Variants in BHLHE40 observed in about 807,000 individuals in gnomAD.
BHLHE40 encodes the protein basic helix-loop-helix family member e40.
BHLHE40 carries 3 observed loss-of-function variants against 35.7 expected under a neutral mutation model. The observed-to-expected ratio is 0.08, with a 90% CI of 0.04 to 0.22. The LOEUF is 0.22. BHLHE40 is among the 10% of genes least tolerant of loss of function. BHLHE40 has a pLI of 1.00. For missense variants in BHLHE40, 486 were observed against 524.0 expected, an observed-to-expected ratio of 0.93 and a Z score of 0.71; for synonymous variants, 236 against 213.0, an observed-to-expected ratio of 1.11 and a Z score of -0.94.
rs1190277830 is a variant in BHLHE40 at position 4,983,280 on chromosome 3, G to T, written c.827G>T (p.Gly276Val). The change falls in exon 5 of 5, where the codon GGC (glycine) becomes GTC (valine). Residue 276 changes from glycine to valine, a missense_variant. By Grantham distance (109) the Gly-to-Val change is moderately radical. This residue lies in a region of BHLHE40 where 206 missense variants were observed against 208.9 expected (regional missense o/e 0.99). Coordinates refer to ENST00000256495, the MANE Select transcript of BHLHE40 (RefSeq NM_003670.3). This position sits in a 1 kb window ranked among gnomAD's most constrained non-coding sequence, Gnocchi z 5.0. ...GRRFTMGERI[G>V]AIKQESEEPP... ...AGGTTCACGATGGGAGAAAGGATCG[G>T]CGCAATTAAGCAAGAGTCCGAAGAA... The T allele has an allele frequency of 6.2e-7, 1 of 1,614,056 alleles. No individual in the cohort carries two copies. Among genetic ancestry groups the T allele is most frequent in the African/African-American group, 1.3e-5 (1 of 74,912 alleles).
At position 4,980,218 on chromosome 3, in the gene BHLHE40, G is replaced by A; in HGVS notation, c.151-83G>A. ...TGCTACTCTGCTACTCTGCTCCTCT[G>A]CCGGACTGTTGCTGCGGGGCTGGGA... On this transcript the variant is annotated intron_variant, in intron 2 of 4. Transcript: ENST00000256495. 3.0e-6 allele frequency: 4 copies of A among 1,311,794 alleles called. No homozygotes were observed. The Admixed American group carries it at 6.9e-5, about 23-fold the overall frequency. 81.3% of individuals were successfully genotyped at this position (1,311,794 alleles called of 1,614,324 possible).
Position 4,983,720 on chromosome 3 carries a change from T to C in BHLHE40, c.*28T>C. On this transcript the variant is annotated 3_prime_UTR_variant, in exon 5 of 5. Coordinates refer to ENST00000256495, the MANE Select transcript of BHLHE40 (RefSeq NM_003670.3). This position sits in a 1 kb window ranked among gnomAD's most constrained non-coding sequence, Gnocchi z 5.0. The stretch of plus-strand genomic sequence containing the variant: ...TCTCTAGGGGATCCTGCTGCTTTGC[T>C]TTCCTTCCTCGCTACTTCCTAAAAA... 1.3e-6 allele frequency: 2 copies of C among 1,553,864 alleles called. No individual in the cohort carries two copies. Among genetic ancestry groups the C allele is most frequent in the Non-Finnish European group, 1.7e-6 (2 of 1,154,326 alleles).
chr3:4,980,295 T>C lies in BHLHE40; in HGVS notation c.151-6T>C. The C allele has an allele frequency of 6.2e-7, 1 of 1,613,732 alleles. No homozygotes were observed. Among genetic ancestry groups the C allele is most frequent in the East Asian group, 2.2e-5 (1 of 44,868 alleles). The stretch of plus-strand genomic sequence containing the variant: ...AGCGCCCACCGCCTCCCCGTGCGTC[T>C]TGCAGGAGACCTACAAATTGCCGCA... On this transcript the variant is annotated splice_region_variant and splice_polypyrimidine_tract_variant and intron_variant, in intron 2 of 4. Transcript: ENST00000256495.
rs1188315227 is a variant in BHLHE40 at position 4,984,701 on chromosome 3, G to C, written c.*1009G>C. Reference sequence around the variant, plus strand: ...TGTAGGCTAATTCCTCTTGCCCAACGGCATATGGAGTGTCCTTATTGCTAA... The same window carrying C: ...TGTAGGCTAATTCCTCTTGCCCAACCGCATATGGAGTGTCCTTATTGCTAA... On this transcript the variant is annotated 3_prime_UTR_variant, in exon 5 of 5. Transcript: ENST00000256495. 6.6e-6 allele frequency: 1 copy of C among 152,564 alleles called. No homozygotes were observed. The highest frequency in any genetic ancestry group is 2.4e-5 in the African/African-American group (1 of 41,432). 9.5% of individuals were successfully genotyped at this position (152,564 alleles called of 1,614,324 possible).
chr3:4,980,492 G>C lies in BHLHE40; in HGVS notation c.258+84G>C, dbSNP rs1050903488. 2.6e-6 allele frequency: 3 copies of C among 1,138,924 alleles called. No individual in the cohort carries two copies. In the African/African-American group the frequency reaches 4.6e-5, roughly 17 times the overall value. 70.6% of individuals were successfully genotyped at this position (1,138,924 alleles called of 1,614,324 possible). ...ACTCGCCGCCTGCAGGTTCCGCGGG[G>C]AACTGCAGACCAGACTGGCGGATCA... On this transcript the variant is annotated intron_variant, in intron 3 of 4. Transcript: ENST00000256495.
chr3:4,981,575 G>A, intron 4 of BHLHE40, 60 bp downstream of exon 4: 1 of 1,579,506 alleles, frequency 6.3e-7, no homozygotes, highest in East Asian at 2.3e-5. Context: ...GAGAGCCCGT[G>A]GGCTCAACAT....
In BHLHE40 at chr3:4,983,237, A is replaced by C; in HGVS notation, c.784A>C (p.Lys262Gln). 6.2e-7 allele frequency: 1 copy of C among 1,614,236 alleles called. No homozygotes were observed. The highest frequency in any genetic ancestry group is 8.5e-7 in the Non-Finnish European group (1 of 1,180,042). ...GDLRSEQPCF[K>Q]SDHGRRFTMG... ...CTTGCGCAGTGAGCAGCCGTGCTTC[A>C]AAAGTGACCACGGACGCAGGTTCAC... Residue 262 changes from lysine (K) to glutamine (Q), a missense_variant, in exon 5 of 5, where the codon AAA becomes CAA. By Grantham distance (53) the Lys-to-Gln change is moderately conservative. Around this residue, in one of 5 missense-constraint regions of BHLHE40, gnomAD observed 206 missense variants for 208.9 expected, o/e 0.99. Coordinates refer to ENST00000256495, the MANE Select transcript of BHLHE40 (RefSeq NM_003670.3). This position sits in a 1 kb window ranked among gnomAD's most constrained non-coding sequence, Gnocchi z 5.0.
rs2053216334 is a variant in BHLHE40, at chr3:4,983,297, T to G, written c.844T>G (p.Ser282Ala). The G allele has an allele frequency of 1.2e-6, 2 of 1,613,522 alleles. No individual in the cohort carries two copies. The highest frequency in any genetic ancestry group is 1.7e-6 in the Non-Finnish European group (2 of 1,179,872). ...GERIGAIKQE[S>A]EEPPTKKNRM... Reference sequence around the variant, plus strand: ...AAGGATCGGCGCAATTAAGCAAGAGTCCGAAGAACCCCCCACAAAAAAGAA... The same window carrying G: ...AAGGATCGGCGCAATTAAGCAAGAGGCCGAAGAACCCCCCACAAAAAAGAA... Residue 282 changes from serine (S) to alanine (A), a missense_variant, in exon 5 of 5, where the codon TCC becomes GCC. Ser to Ala is a moderately conservative substitution (Grantham distance 99, BLOSUM62 1). Coordinates refer to ENST00000256495, the MANE Select transcript of BHLHE40 (RefSeq NM_003670.3). This position sits in a 1 kb window ranked among gnomAD's most constrained non-coding sequence, Gnocchi z 5.0.
At position 4,983,829 on chromosome 3, in the gene BHLHE40, G is replaced by GGTGTGTGTGTGTGTGTGTGT. The variant is rs56076357; in HGVS notation, c.*144_*163dup. On this transcript the variant is annotated 3_prime_UTR_variant, in exon 5 of 5. Transcript: ENST00000256495. The surrounding 1 kb of genome is among the most constrained non-coding windows in gnomAD (Gnocchi z 5.0). ...TCTGAGGCATGGAGAGCAGATTCAG[G>GGTGTGTGTGTGTGTGTGTGT]GTGTGTGTGTGTGTGTGTGTGTGTG... 2.3e-4 allele frequency: 160 copies of GGTGTGTGTGTGTGTGTGTGT among 698,678 alleles called. No homozygotes were observed. The highest frequency in any genetic ancestry group is 1.6e-3 in the African/African-American group (89 of 55,300). 43.3% of individuals were successfully genotyped at this position (698,678 alleles called of 1,614,324 possible).
intron 3 of BHLHE40, among the ~76,000 whole-genome samples, chr3:4,980,788 G>A (rs569855070): frequency 6.6e-6 from 1 of 152,176 alleles, no homozygotes; most frequent in South Asian, 2.1e-4. Context: ...TCAAATAAGG[G>A]GACTTGCTTT....
rs1045729677 is a variant in BHLHE40 at position 4,984,073 on chromosome 3, A to G, written c.*381A>G. ...AGTCTTGGTCTGTGAGTCACTCTTC[A>G]GTTTGGGAGCTGGGTCTGTGGCTTT... On this transcript the variant is annotated 3_prime_UTR_variant, in exon 5 of 5. Transcript: ENST00000256495. 8 of 177,402 alleles carry G rather than the reference A, an allele frequency of 4.5e-5. No individual in the cohort carries two copies. Among genetic ancestry groups the G allele is most frequent in the African/African-American group, 7.1e-5 (3 of 42,110 alleles). 11.0% of individuals were successfully genotyped at this position (177,402 alleles called of 1,614,324 possible).
Position 4,983,829 on chromosome 3 carries a change from G to GGGGT in BHLHE40, c.*138_*139insGGTG, listed in dbSNP as rs139879256. 142 of 698,690 alleles carry GGGGT rather than the reference G, an allele frequency of 2.0e-4. No homozygotes were observed. Among genetic ancestry groups the GGGGT allele is most frequent in the South Asian group, 8.4e-4 (43 of 50,900 alleles). 43.3% of individuals were successfully genotyped at this position (698,690 alleles called of 1,614,324 possible). A position where few individuals can be genotyped will look rare whatever the true frequency, so the allele number is the denominator to read the frequency against. ...TCTGAGGCATGGAGAGCAGATTCAG[G>GGGGT]GTGTGTGTGTGTGTGTGTGTGTGTG... On this transcript the variant is annotated 3_prime_UTR_variant, in exon 5 of 5. Transcript: ENST00000256495. The surrounding 1 kb of genome is among the most constrained non-coding windows in gnomAD (Gnocchi z 5.0).
At position 4,980,417 on chromosome 3, in the gene BHLHE40, G is replaced by A. The variant is rs2053181910; in HGVS notation, c.258+9G>A. The A allele has an allele frequency of 8.1e-6, 13 of 1,611,124 alleles. No homozygotes were observed. The highest frequency in any genetic ancestry group is 1.7e-4 in the Middle Eastern group (1 of 6,056). On this transcript the variant is annotated intron_variant, in intron 3 of 4. Transcript: ENST00000256495. The stretch of plus-strand genomic sequence containing the variant: ...AACATCTCAAACTTACAGTAAGTGA[G>A]AAGCTGGCCCCTTTCCAACCCAGTC...
intron 4 of BHLHE40, 150 bp downstream of exon 4, chr3:4,981,665 T>A: frequency 9.5e-7 from 1 of 1,056,006 alleles, no homozygotes; most frequent in Admixed American, 2.6e-5. Flanking sequence ...TCCTAAAAGG[T>A]CAGACTTTTC....
At position 4,983,018 on chromosome 3, in the gene BHLHE40, A is replaced by G. The variant is rs1370878325; in HGVS notation, c.565A>G (p.Arg189Gly). 1.7e-5 allele frequency: 28 copies of G among 1,613,832 alleles called. No homozygotes were observed. The highest frequency in any genetic ancestry group is 1.9e-5 in the Non-Finnish European group (22 of 1,179,830). Residue 189 changes from arginine to glycine, a missense_variant, in exon 5 of 5, where the codon AGG (arginine) becomes GGG (glycine). Physicochemically the swap from Arg to Gly is moderately radical, Grantham distance 125 (BLOSUM62 -2). This residue lies in a region of BHLHE40 where 176 missense variants were observed against 180.5 expected (regional missense o/e 0.98). Transcript: ENST00000256495. The surrounding 1 kb of genome is among the most constrained non-coding windows in gnomAD (Gnocchi z 5.0). ...GGAGCTGCTGCAGGGTGGTACCTCC[A>G]GGAAGCCATCAGACCCAGCTCCCAA... ...VSELLQGGTS[R>G]KPSDPAPKVM...
Position 4,984,382 on chromosome 3 carries a change from C to T in BHLHE40, c.*690C>T, listed in dbSNP as rs746106852. The T allele has an allele frequency of 7.2e-5, 11 of 152,278 alleles. No homozygotes were observed. The highest frequency in any genetic ancestry group is 7.2e-4 in the Admixed American group (11 of 15,270). The allele number at this position is 152,278 out of a possible 1,614,324, so 9.4% of individuals were successfully genotyped here. ...TCGTAGTGATTAGCTTACTAAGGAA[C>T]TGAAAATGGGCCCCTTGTACAAGCT... On this transcript the variant is annotated 3_prime_UTR_variant, in exon 5 of 5. Coordinates refer to ENST00000256495, the MANE Select transcript of BHLHE40 (RefSeq NM_003670.3).
chr3:4,981,465 T>C lies in BHLHE40; in HGVS notation c.332T>C (p.Ile111Thr), dbSNP rs763465378. Residue 111 changes from isoleucine to threonine, a missense_variant, in exon 4 of 5, where the codon ATT becomes ACT. Transcript: ENST00000256495. ...CATGTGAAAGCACTAACAAACCTAA[T>C]TGATCAGCAGCAGCAGAAAATCATT... ...LKHVKALTNL[I>T]DQQQQKIIAL... 21 of 1,614,000 alleles carry C rather than the reference T, an allele frequency of 1.3e-5. No individual in the cohort carries two copies. The highest frequency in any genetic ancestry group is 2.2e-5 in the East Asian group (1 of 44,894).
Position 4,980,406 on chromosome 3 carries a change from A to G in BHLHE40, c.256A>G (p.Thr86Ala). The G allele has an allele frequency of 1.2e-6, 2 of 1,612,974 alleles. No individual in the cohort carries two copies. The highest frequency in any genetic ancestry group is 1.7e-6 in the Non-Finnish European group (2 of 1,179,134). The change falls in exon 3 of 5, where the codon ACA (threonine) becomes GCA (alanine). Residue 86 changes from threonine to alanine, a missense_variant and splice_region_variant. Thr to Ala is a moderately conservative substitution (Grantham distance 58, BLOSUM62 0). This residue lies in a region of BHLHE40 where 176 missense variants were observed against 180.5 expected (regional missense o/e 0.98). Coordinates refer to ENST00000256495, the MANE Select transcript of BHLHE40 (RefSeq NM_003670.3). ...KDLLPEHLKL[T>A]TLGHLEKAVV... ...TCTCCTACCCGAACATCTCAAACTT[A>G]CAGTAAGTGAGAAGCTGGCCCCTTT...
Position 4,983,441 on chromosome 3 carries a change from C to T in BHLHE40, c.988C>T (p.Pro330Ser), listed in dbSNP as rs774316899. ...CTGCCTGCCCTTCTACCTGATCCCA[C>T]CTTCAGCGACTGCCTACCTGCCCAT... The part of the protein sequence containing the change: ...PFCLPFYLIP[P>S]SATAYLPMLE... The change falls in exon 5 of 5, where the codon CCT becomes TCT. Residue 330 changes from proline to serine, a missense_variant. Physicochemically the swap from Pro to Ser is moderately conservative, Grantham distance 74. Around this residue, in one of 5 missense-constraint regions of BHLHE40, gnomAD observed 206 missense variants for 208.9 expected, o/e 0.99. Coordinates refer to ENST00000256495, the MANE Select transcript of BHLHE40 (RefSeq NM_003670.3). This position sits in a 1 kb window ranked among gnomAD's most constrained non-coding sequence, Gnocchi z 5.0. The T allele has an allele frequency of 1.9e-6, 3 of 1,614,208 alleles. No individual in the cohort carries two copies. Among genetic ancestry groups the T allele is most frequent in the Non-Finnish European group, 2.5e-6 (3 of 1,180,052 alleles).
Sources: allele counts gnomAD v4.1 joint callset (sites outside exome capture counted in the v4.1 genomes callset), GRCh38; gene constraint gnomAD v4.1.1; regional missense constraint gnomAD v4.1.1; non-coding constraint Gnocchi (gnomAD v3.1); transcripts MANE v1.5; gene names NCBI Gene and HGNC (gene_info 2026-07-23, HGNC 2026-07-21).